CSRNP3: variants seen among roughly 807,000 people sequenced by gnomAD.
CSRNP3 encodes the protein cysteine and serine rich nuclear protein 3, also known as cysteine/serine-rich nuclear protein 3.
A neutral mutation model predicts 48.0 loss-of-function variants in CSRNP3; 12 were observed. The ratio of observed to expected loss-of-function variants is 0.25; its 90% CI spans 0.16 to 0.41. The LOEUF (loss-of-function observed/expected upper bound fraction) is 0.41. Ranked by LOEUF, CSRNP3 falls within the 10% of genes least tolerant of loss-of-function variation. The pLI, the probability that CSRNP3 is intolerant of heterozygous loss-of-function variation, is 1.00. For synonymous variants in CSRNP3, 263 were observed against 269.7 expected, an observed-to-expected ratio of 0.98 and a Z score of 0.24; for missense variants, 580 against 724.4, an observed-to-expected ratio of 0.80 and a Z score of 2.29.
intron 4 of CSRNP3, among the ~76,000 whole-genome samples, chr2:165,636,885 C>T (rs780766130): frequency 3.3e-5 from 5 of 152,010 alleles, no homozygotes; most frequent in Non-Finnish European, 7.4e-5. Flanking sequence ...TGGTTCATGA[C>T]TGGTGGCTAG....
At chr2:165,623,370 G>A (rs1471740528) in intron 4 of CSRNP3, among the ~76,000 whole-genome samples, 2 of 152,278 alleles carry the variant, frequency 1.3e-5, no homozygotes, top group South Asian at 4.2e-4. Context: ...AACCGCTCAT[G>A]CATGGGATCT....
intron 3 of CSRNP3, among the ~76,000 whole-genome samples, chr2:165,543,981 A>G (rs1684990957): frequency 6.7e-6 from 1 of 149,876 alleles, no homozygotes; most frequent in South Asian, 2.1e-4. Context: ...GAAATATTAT[A>G]TTATGTTTGT....
At chr2:165,559,784 T>TTTTC (rs1558934441) in intron 3 of CSRNP3, among the ~76,000 whole-genome samples, 5 of 145,600 alleles carry the variant, frequency 3.4e-5, no homozygotes, top group African/African-American at 1.3e-4. Context: ...AATGTAATAT[T>TTTTC]TTTCTTTCTT....
chr2:165,622,846 TA>T (rs1686363308), intron 4 of CSRNP3, among the ~76,000 whole-genome samples: 1 of 152,154 alleles, frequency 6.6e-6, no homozygotes, highest in Admixed American at 6.5e-5. Flanking sequence ...ATTATATTAC[TA>T]GAGAAGAAAT....
chr2:165,513,594 G>A (rs1411685581), intron 2 of CSRNP3, among the ~76,000 whole-genome samples: 3 of 152,176 alleles, frequency 2.0e-5, no homozygotes, highest in Non-Finnish European at 2.9e-5. Flanking sequence ...AATATTACAA[G>A]CTAATTTTAT....
At chr2:165,520,621 CAT>C (rs1684638264) in intron 3 of CSRNP3, among the ~76,000 whole-genome samples, 1 of 150,858 alleles carries the variant, frequency 6.6e-6, no homozygotes, top group Non-Finnish European at 1.5e-5. Flanking sequence ...ATCTAAAGGA[CAT>C]GTGTCCAATA....
At chr2:165,591,388 AC>A (rs1685715271) in intron 3 of CSRNP3, among the ~76,000 whole-genome samples, 1 of 152,068 alleles carries the variant, frequency 6.6e-6, no homozygotes, top group Admixed American at 6.5e-5. Context: ...GAAAAGAAAA[AC>A]CCATTTACTG....
intron 4 of CSRNP3, among the ~76,000 whole-genome samples, chr2:165,648,696 C>T (rs1041171118): frequency 1.3e-5 from 2 of 151,850 alleles, no homozygotes; most frequent in Non-Finnish European, 1.5e-5. Context: ...GAGGAGGGGG[C>T]GTCCTTAAAA....
rs189763950 is a variant in CSRNP3, at chr2:165,580,977, T to C, written c.-23-14066T>C. On this transcript the variant is annotated intron_variant, in intron 3 of 6. Coordinates refer to ENST00000651982, the MANE Select transcript of CSRNP3 (RefSeq NM_001172173.2). ...AAAATAAATTTTTCATTAACTTCAC[T>C]TGGTACTTTTGTTGTTATGGAGGGA... Among the ~76,000 whole-genome samples the C allele has an allele frequency of 8.5e-5, 13 of 152,328 alleles. 1 individual carries two copies. The East Asian group carries it at 2.5e-3, about 29-fold the overall frequency.
intron 4 of CSRNP3, among the ~76,000 whole-genome samples, chr2:165,616,141 T>G (rs771294749): frequency 1.0e-3 from 157 of 152,278 alleles, no homozygotes; most frequent in Middle Eastern, 0.01. Flanking sequence ...TCTATATTTT[T>G]TAACTGAAAA....
chr2:165,495,716 A>G (rs1219943037), intron 2 of CSRNP3, among the ~76,000 whole-genome samples: 1 of 152,066 alleles, frequency 6.6e-6, no homozygotes, highest in African/African-American at 2.4e-5. Context: ...AAAGCCCCTT[A>G]CCTTCACCCA....
At chr2:165,488,256 T>C (rs1453463029) in intron 1 of CSRNP3, among the ~76,000 whole-genome samples, 2 of 97,390 alleles carry the variant, frequency 2.1e-5, no homozygotes, top group Non-Finnish European at 4.1e-5. Context: ...CTATCCTAAA[T>C]ATATATGCAC....
intron 3 of CSRNP3, among the ~76,000 whole-genome samples, chr2:165,566,295 G>T (rs1685296958): frequency 6.6e-6 from 1 of 151,718 alleles, no homozygotes; most frequent in Non-Finnish European, 1.5e-5. Context: ...GTACATTCTA[G>T]CCCTTCTGCC....
At chr2:165,558,265 A>G (rs751227022) in intron 3 of CSRNP3, among the ~76,000 whole-genome samples, 7 of 152,186 alleles carry the variant, frequency 4.6e-5, no homozygotes, top group Non-Finnish European at 7.3e-5. Context: ...ATTCACTGCC[A>G]TTGTCACAGT....
At chr2:165,566,113 C>T (rs903311318) in intron 3 of CSRNP3, among the ~76,000 whole-genome samples, 1 of 151,842 alleles carries the variant, frequency 6.6e-6, no homozygotes, top group Admixed American at 6.6e-5. Flanking sequence ...AAAACTCAGT[C>T]GTAATCAAAC....
chr2:165,523,583 A>G lies in CSRNP3; in HGVS notation c.-24+5622A>G, dbSNP rs370592698. On this transcript the variant is annotated intron_variant, in intron 3 of 6. Coordinates refer to ENST00000651982, the MANE Select transcript of CSRNP3 (RefSeq NM_001172173.2). ...TATCTTGACTGATTCTCTCAGGGGT[A>G]TTTGACATTGTTAACTACATTTTTC... 9.9e-5 allele frequency among the ~76,000 whole-genome samples: 15 copies of G among 152,262 alleles called. No homozygotes were observed. The East Asian group carries it at 1.5e-3, about 16-fold the overall frequency.
chr2:165,666,595 AT>A lies in CSRNP3; in HGVS notation c.408+8576del, dbSNP rs1190159823. ...AGAGAGAGGAAGGAAGGAAGGGAGG[AT>A]AGAGAGAGATGAAGAAAGAGAGAAA... On this transcript the variant is annotated intron_variant, in intron 5 of 6. Transcript: ENST00000651982. Among the ~76,000 whole-genome samples the A allele has an allele frequency of 1.2e-4, 5 of 40,582 alleles. 2 individuals are homozygous for A. The highest frequency in any genetic ancestry group is 4.0e-4 in the African/African-American group (5 of 12,428). 26.6% of individuals were successfully genotyped at this position (40,582 alleles called of 152,430 possible). A position where few individuals can be genotyped will look rare whatever the true frequency, so the allele number is the denominator to read the frequency against.
rs777691468 is a variant in CSRNP3 at position 165,666,952 on chromosome 2, GAGGA to G, written c.408+8950_408+8953del. On this transcript the variant is annotated intron_variant, in intron 5 of 6. Transcript: ENST00000651982. ...AGAGAGAAGAAGAAAGAAAGAGAGA[GAGGA>G]AGGAAGGAAGGAAGGAAAGAGAGAG... Among the ~76,000 whole-genome samples, 215 of 35,498 alleles carry G rather than the reference GAGGA, an allele frequency of 6.1e-3. 30 individuals carry two copies. The highest frequency in any genetic ancestry group is 0.012 in the East Asian group (15 of 1,238). The allele number at this position is 35,498 out of a possible 152,430, so 23.3% of individuals were successfully genotyped here. A position where few individuals can be genotyped will look rare whatever the true frequency, so the allele number is the denominator to read the frequency against.
At chr2:165,602,594 A>G (rs567816236) in intron 4 of CSRNP3, among the ~76,000 whole-genome samples, 2 of 152,344 alleles carry the variant, frequency 1.3e-5, no homozygotes, top group African/African-American at 4.8e-5. Flanking sequence ...TCACTTGGAT[A>G]TGCAATAAGG....
Sources: allele counts gnomAD v4.1 joint callset (sites outside exome capture counted in the v4.1 genomes callset), GRCh38; gene constraint gnomAD v4.1.1; transcripts MANE v1.5; gene names NCBI Gene and HGNC (gene_info 2026-07-23, HGNC 2026-07-21).